The following ARID2 variants were observed in gnomAD, a reference collection of about 807,000 sequenced individuals.
ARID2 encodes the protein AT-rich interactive domain-containing protein 2.
In ARID2, 32 loss-of-function variants were observed where a neutral mutation model predicts 184.6. That is an observed-to-expected ratio of 0.17 (90% CI 0.13 to 0.23). The LOEUF (loss-of-function observed/expected upper bound fraction) is 0.23, where lower values mean the gene tolerates loss of function less well. ARID2 is among the 10% of genes least tolerant of loss of function. The pLI, the probability that ARID2 is intolerant of heterozygous loss-of-function variation, is 1.00. For missense variants in ARID2, 1,696 were observed against 2,197.6 expected, an observed-to-expected ratio of 0.77 and a Z score of 4.56; for synonymous variants, 836 against 772.6, an observed-to-expected ratio of 1.08 and a Z score of -1.36.
chr12:45,782,619 G>A (rs1340121375), intron 3 of ARID2, among the ~76,000 whole-genome samples: 2 of 151,548 alleles, frequency 1.3e-5, no homozygotes, highest in African/African-American at 2.4e-5. Context: ...GCGACAGAGC[G>A]AGACTCTGTC....
intron 3 of ARID2, among the ~76,000 whole-genome samples, chr12:45,774,196 G>T (rs1941933380): frequency 6.6e-6 from 1 of 152,012 alleles, no homozygotes; most frequent in African/African-American, 2.4e-5. Context: ...CCAAATACTA[G>T]TTGTATTTCT....
At chr12:45,869,317 G>A (rs914724185) in intron 16 of ARID2, among the ~76,000 whole-genome samples, 6 of 152,008 alleles carry the variant, frequency 3.9e-5, no homozygotes, top group African/African-American at 4.8e-5. Flanking sequence ...GCCCGGCCGC[G>A]ATTGCTTTTA....
rs1481482227 is a variant in ARID2 at position 45,817,651 on chromosome 12, T to A, written c.419-19T>A. ...TATCTGATCTTTGATATACTTAAGGTATTTTTTTTCTTTGTTAGATTATCT... is the reference window on the plus strand; with the variant it reads ...TATCTGATCTTTGATATACTTAAGGAATTTTTTTTCTTTGTTAGATTATCT... On this transcript the variant is annotated intron_variant, in intron 4 of 20. Coordinates refer to ENST00000334344, the MANE Select transcript of ARID2 (RefSeq NM_152641.4). The A allele has an allele frequency of 2.5e-6, 4 of 1,584,882 alleles. No individual in the cohort carries two copies. In the African/African-American group the frequency reaches 5.4e-5, roughly 22 times the overall value.
rs774801990 is a variant in ARID2, at chr12:45,893,663, C to T, written c.5305C>T (p.Arg1769Ter). 6.2e-7 allele frequency: 1 copy of T among 1,606,158 alleles called. No individual in the cohort carries two copies. The highest frequency in any genetic ancestry group is 8.5e-7 in the Non-Finnish European group (1 of 1,177,800). ...EKEGPITKHI[R>*]LTAALILKNI... ...AGAGGGACCAATAACTAAACACATC[C>T]GACTAACAGCTGCCTTAATATTAAA... Residue 1769 changes from arginine (R) to a stop codon, truncating the protein, a stop_gained, in exon 20 of 21, where the codon CGA (arginine) becomes TGA (stop). Coordinates refer to ENST00000334344, the MANE Select transcript of ARID2 (RefSeq NM_152641.4). LOFTEE classifies it high-confidence loss of function.
At chr12:45,816,168 A>T (rs1423437182) in intron 4 of ARID2, among the ~76,000 whole-genome samples, 1 of 152,166 alleles carries the variant, frequency 6.6e-6, no homozygotes, top group Non-Finnish European at 1.5e-5. Flanking sequence ...GTGTTCTGTA[A>T]GCCCGTTTTA....
At chr12:45,848,578 C>G (rs1454219562) in intron 12 of ARID2, among the ~76,000 whole-genome samples, 7 of 152,048 alleles carry the variant, frequency 4.6e-5, no homozygotes, top group Non-Finnish European at 1.5e-5. Flanking sequence ...AGCAGACCAA[C>G]CCTGCTCTCA....
chr12:45,854,375 C>T (rs907273301), intron 15 of ARID2, among the ~76,000 whole-genome samples: 26 of 152,110 alleles, frequency 1.7e-4, no homozygotes, highest in Non-Finnish European at 3.2e-4. Context: ...TCCATGAAAC[C>T]GGTCCCTGGT....
At chr12:45,735,758 G>A (rs578191154) in intron 3 of ARID2, among the ~76,000 whole-genome samples, 3 of 152,280 alleles carry the variant, frequency 2.0e-5, no homozygotes, top group Non-Finnish European at 4.4e-5. Context: ...GCTCAGCTAG[G>A]TTAGTGTTAT....
intron 16 of ARID2, among the ~76,000 whole-genome samples, chr12:45,883,437 T>G (rs1308543811): frequency 1.3e-5 from 2 of 150,630 alleles, no homozygotes; most frequent in Non-Finnish European, 3.0e-5. Flanking sequence ...GGTGAGAATC[T>G]AGTATGTACT....
At chr12:45,742,763 T>C (rs1413146883) in intron 3 of ARID2, among the ~76,000 whole-genome samples, 1 of 152,232 alleles carries the variant, frequency 6.6e-6, no homozygotes, top group Admixed American at 6.5e-5. Context: ...TTAGTAACTT[T>C]ATGCAAACCT....
At chr12:45,763,881 G>T (rs1257433242) in intron 3 of ARID2, among the ~76,000 whole-genome samples, 1 of 152,092 alleles carries the variant, frequency 6.6e-6, no homozygotes, top group Non-Finnish European at 1.5e-5. Flanking sequence ...TCAGTGTTAT[G>T]TTTGGGATGA....
chr12:45,881,353 CA>C, intron 16 of ARID2: 1 of 168,080 alleles, frequency 5.9e-6, no homozygotes, highest in Non-Finnish European at 1.3e-5. Flanking sequence ...CTTTCTTTTC[CA>C]ACATAACCTC....
chr12:45,823,996 G>T (rs1942946364), intron 6 of ARID2, among the ~76,000 whole-genome samples: 1 of 152,074 alleles, frequency 6.6e-6, no homozygotes, highest in Admixed American at 6.6e-5. Flanking sequence ...GAAAACTGGA[G>T]GTCAGTATCT....
At chr12:45,883,438 AGTAT>A (rs1162331416) in intron 16 of ARID2, among the ~76,000 whole-genome samples, 2 of 150,710 alleles carry the variant, frequency 1.3e-5, no homozygotes, top group Non-Finnish European at 3.0e-5. Context: ...GTGAGAATCT[AGTAT>A]GTACTTCAGC....
chr12:45,781,729 G>A (rs1234663746), intron 3 of ARID2, among the ~76,000 whole-genome samples: 1 of 152,142 alleles, frequency 6.6e-6, no homozygotes, highest in African/African-American at 2.4e-5. Flanking sequence ...GGATAGGTTT[G>A]TAGGTGGGAG....
At chr12:45,738,826 T>C (rs1941184618) in intron 3 of ARID2, among the ~76,000 whole-genome samples, 1 of 141,784 alleles carries the variant, frequency 7.1e-6, no homozygotes, top group South Asian at 2.3e-4. Flanking sequence ...GGCTTTAGGT[T>C]ATATCCAACT....
At chr12:45,801,947 A>T (rs1942510881) in intron 3 of ARID2, among the ~76,000 whole-genome samples, 3 of 152,226 alleles carry the variant, frequency 2.0e-5, no homozygotes, top group African/African-American at 7.2e-5. Flanking sequence ...TCAGTATAAA[A>T]GTTGTTTTTA....
At chr12:45,775,910 C>A (rs1941968408) in intron 3 of ARID2, among the ~76,000 whole-genome samples, 1 of 152,128 alleles carries the variant, frequency 6.6e-6, no homozygotes, top group Non-Finnish European at 1.5e-5. Context: ...AATGTTTTAA[C>A]CTACGTTGTT....
intron 3 of ARID2, among the ~76,000 whole-genome samples, chr12:45,808,741 G>A (rs1035535534): frequency 6.9e-6 from 1 of 144,712 alleles, no homozygotes; most frequent in African/African-American, 2.7e-5. Context: ...GCGTGCGTGT[G>A]TGTGTGTGTG....
Sources: allele counts gnomAD v4.1 joint callset (sites outside exome capture counted in the v4.1 genomes callset), GRCh38; gene constraint gnomAD v4.1.1; transcripts MANE v1.5; gene names NCBI Gene and HGNC (gene_info 2026-07-23, HGNC 2026-07-21).